CSMD1: variants seen among roughly 807,000 people sequenced by gnomAD.
CSMD1 encodes CUB and sushi domain-containing protein 1.
In CSMD1, 213 loss-of-function variants were observed where a neutral mutation model predicts 417.5. The ratio of observed to expected loss-of-function variants is 0.51; its 90% CI spans 0.46 to 0.57. CSMD1 has a LOEUF of 0.57. Ranked by LOEUF, CSMD1 falls within the 20% of genes least tolerant of loss-of-function variation. CSMD1 has a pLI of 0.00. For synonymous variants in CSMD1, 2,862 were observed against 1,736.8 expected, an observed-to-expected ratio of 1.65 and a Z score of -16.11; for missense variants, 6,923 against 4,529.7, an observed-to-expected ratio of 1.53 and a Z score of -15.17.
At chr8:3,623,900 C>A (rs1382096970) in intron 7 of CSMD1, among the ~76,000 whole-genome samples, 1 of 152,000 alleles carries the variant, frequency 6.6e-6, no homozygotes, top group African/African-American at 2.4e-5. Flanking sequence ...TCGCTTGAAC[C>A]CGGGAGGCGG....
intron 5 of CSMD1, among the ~76,000 whole-genome samples, chr8:3,807,129 C>A (rs1370009133): frequency 1.3e-5 from 2 of 152,078 alleles, no homozygotes; most frequent in African/African-American, 2.4e-5. Context: ...GGGCACATTT[C>A]CTAAAGAAAA....
rs1004883710 is a variant in CSMD1 at position 4,905,709 on chromosome 8, C to A, written c.85+88623G>T. Among the ~76,000 whole-genome samples, 86 of 149,506 alleles carry A rather than the reference C, an allele frequency of 5.8e-4. 1 individual carries two copies. Among genetic ancestry groups the A allele is most frequent in the Admixed American group, 2.9e-3 (44 of 14,980 alleles). On this transcript the variant is annotated intron_variant, in intron 1 of 69. Transcript: ENST00000635120. ...GTGGCGGGCGCCTGTAGTCCCAGCT[C>A]CTCGGGAGGCTGAGGCAGGAGAATG...
chr8:3,173,644 T>C (rs1222307820), intron 37 of CSMD1, among the ~76,000 whole-genome samples: 3 of 152,210 alleles, frequency 2.0e-5, no homozygotes, highest in African/African-American at 7.2e-5. Context: ...TATATGGTCC[T>C]TCCTCTGTTG....
intron 3 of CSMD1, among the ~76,000 whole-genome samples, chr8:4,054,075 T>A (rs1478379611): frequency 6.6e-6 from 1 of 152,166 alleles, no homozygotes; most frequent in African/African-American, 2.4e-5. Flanking sequence ...CCTATCTCTC[T>A]CTGTCGCAGT....
chr8:4,333,614 A>G (rs1017397912), intron 3 of CSMD1, among the ~76,000 whole-genome samples: 4 of 152,174 alleles, frequency 2.6e-5, no homozygotes, highest in African/African-American at 9.6e-5. Context: ...TGATGCAGAT[A>G]TATTTAAGGA....
At chr8:4,492,401 T>A (rs1217479226) in intron 2 of CSMD1, among the ~76,000 whole-genome samples, 1 of 152,162 alleles carries the variant, frequency 6.6e-6, no homozygotes, top group African/African-American at 2.4e-5. Flanking sequence ...ATATCTGACA[T>A]TCTGGAAAAG....
chr8:4,715,376 T>C (rs1055442832), intron 1 of CSMD1, among the ~76,000 whole-genome samples: 1 of 152,224 alleles, frequency 6.6e-6, no homozygotes, highest in East Asian at 1.9e-4. Context: ...AATATTAAAA[T>C]TGAATATAAT....
At chr8:3,267,270 C>G (rs1224757232) in intron 26 of CSMD1, among the ~76,000 whole-genome samples, 2 of 152,152 alleles carry the variant, frequency 1.3e-5, no homozygotes, top group African/African-American at 4.8e-5. Context: ...TGAAGGGAAA[C>G]CCCCTGATAG....
chr8:3,372,489 A>G (rs1190348782), intron 18 of CSMD1, among the ~76,000 whole-genome samples: 1 of 152,158 alleles, frequency 6.6e-6, no homozygotes, highest in South Asian at 2.1e-4. Flanking sequence ...CAGGACCCCG[A>G]ACCAGGGCAT....
intron 2 of CSMD1, among the ~76,000 whole-genome samples, chr8:4,475,876 G>C (rs1490311638): frequency 6.6e-6 from 1 of 152,136 alleles, no homozygotes; most frequent in African/African-American, 2.4e-5. Flanking sequence ...CGCTCCGAAA[G>C]TGCTGGAATT....
At chr8:4,051,511 C>T (rs1249011866) in intron 3 of CSMD1, among the ~76,000 whole-genome samples, 1 of 152,246 alleles carries the variant, frequency 6.6e-6, no homozygotes, top group East Asian at 1.9e-4. Flanking sequence ...TTTCCATGAC[C>T]TAGCACAAAA....
intron 3 of CSMD1, among the ~76,000 whole-genome samples, chr8:4,193,778 C>G (rs1328296054): frequency 6.6e-6 from 1 of 151,938 alleles, no homozygotes; most frequent in Non-Finnish European, 1.5e-5. Flanking sequence ...TGGAATCGGA[C>G]AGGGATGACA....
intron 5 of CSMD1, among the ~76,000 whole-genome samples, chr8:3,966,190 C>T (rs994376425): frequency 1.3e-4 from 20 of 152,080 alleles, no homozygotes; most frequent in Middle Eastern, 3.2e-3. Context: ...TAAGGTACCA[C>T]GGTATAAAAT....
intron 5 of CSMD1, among the ~76,000 whole-genome samples, chr8:3,934,578 G>T (rs538203806): frequency 6.6e-6 from 1 of 152,292 alleles, no homozygotes; most frequent in South Asian, 2.1e-4. Flanking sequence ...TATTTGGCCA[G>T]GCGCGGTGGC....
At chr8:3,307,960 C>T in intron 24 of CSMD1, 139 bp from the exon 25 acceptor site, 1 of 945,778 alleles carries the variant, frequency 1.1e-6, no homozygotes, top group Non-Finnish European at 1.5e-6. Context: ...TCTCTCCTGA[C>T]CGTTTCAATA....
At chr8:3,184,127 T>C (rs1169036155) in intron 36 of CSMD1, among the ~76,000 whole-genome samples, 1 of 152,200 alleles carries the variant, frequency 6.6e-6, no homozygotes, top group African/African-American at 2.4e-5. Context: ...TTATCATTAC[T>C]TGTTTTTCAG....
At chr8:3,339,965 T>C (rs1192757898) in intron 23 of CSMD1, among the ~76,000 whole-genome samples, 1 of 152,260 alleles carries the variant, frequency 6.6e-6, no homozygotes, top group Non-Finnish European at 1.5e-5. Context: ...TCTGACTTAC[T>C]ATTCAGAAAA....
intron 1 of CSMD1, among the ~76,000 whole-genome samples, chr8:4,676,047 T>C (rs549974606): frequency 3.9e-5 from 6 of 152,222 alleles, no homozygotes; most frequent in African/African-American, 1.4e-4. Context: ...ACTTTTATCC[T>C]TTCAACAGTC....
At chr8:4,567,192 G>C (rs1304047405) in intron 2 of CSMD1, among the ~76,000 whole-genome samples, 1 of 152,090 alleles carries the variant, frequency 6.6e-6, no homozygotes, top group East Asian at 1.9e-4. Flanking sequence ...GCATTTATTT[G>C]GTTTATGTCA....
Sources: allele counts gnomAD v4.1 joint callset (sites outside exome capture counted in the v4.1 genomes callset), GRCh38; gene constraint gnomAD v4.1.1; transcripts MANE v1.5; gene names NCBI Gene and HGNC (gene_info 2026-07-23, HGNC 2026-07-21).